Variants in ANK2 observed in about 807,000 individuals in gnomAD.
ANK2 encodes the protein ankyrin-2.
ANK2 carries 83 observed loss-of-function variants against 360.5 expected under a neutral mutation model. That is an observed-to-expected ratio of 0.23 (90% CI 0.19 to 0.28). The LOEUF is 0.28. Ranked by LOEUF, ANK2 falls within the 10% of genes least tolerant of loss-of-function variation. The pLI is 1.00. For missense variants in ANK2, 4,201 were observed against 4,795.7 expected, an observed-to-expected ratio of 0.88 and a Z score of 3.66; for synonymous variants, 1,740 against 1,759.5, an observed-to-expected ratio of 0.99 and a Z score of 0.28.
intron 1 of ANK2, among the ~76,000 whole-genome samples, chr4:113,099,832 A>G (rs2092496575): frequency 6.6e-6 from 1 of 152,072 alleles, no homozygotes; most frequent in African/African-American, 2.4e-5. Flanking sequence ...AAATACAGTG[A>G]ACTGATTTTT....
intron 1 of ANK2, among the ~76,000 whole-genome samples, chr4:112,858,591 G>A (rs923312893): frequency 6.6e-6 from 1 of 152,180 alleles, no homozygotes; most frequent in African/African-American, 2.4e-5. Context: ...GGAGGATTCT[G>A]TTCTTCGCAT....
At chr4:112,770,275 G>A in the ANK2 span, among the ~76,000 whole-genome samples, 2 of 152,238 alleles carry the variant, frequency 1.3e-5, no homozygotes, top group Non-Finnish European at 1.5e-5. Flanking sequence ...CTCCGGAGAT[G>A]TTTAAGCCCT....
At chr4:113,300,016 G>A (rs1189117305) in intron 22 of ANK2, among the ~76,000 whole-genome samples, 1 of 151,484 alleles carries the variant, frequency 6.6e-6, no homozygotes, top group African/African-American at 2.4e-5. Flanking sequence ...TACAGAATAT[G>A]GGCTATAATT....
At chr4:112,866,154 A>C (rs1339194097) in intron 1 of ANK2, among the ~76,000 whole-genome samples, 1 of 152,236 alleles carries the variant, frequency 6.6e-6, no homozygotes, top group Non-Finnish European at 1.5e-5. Context: ...TTTGGAGTAC[A>C]GAATACTCTT....
chr4:113,265,083 T>G (rs1395149834), intron 14 of ANK2, 88 bp downstream of exon 14: 1 of 1,212,620 alleles, frequency 8.2e-7, no homozygotes, highest in African/African-American at 1.5e-5. Flanking sequence ...TTCCTTGATT[T>G]GGAAATACCA....
At position 113,318,618 on chromosome 4, in the gene ANK2, A is replaced by G. The variant is rs779643311; in HGVS notation, c.2898A>G (p.Ser966=). The G allele has an allele frequency of 6.2e-7, 1 of 1,605,928 alleles. No individual in the cohort carries two copies. Among genetic ancestry groups the G allele is most frequent in the South Asian group, 1.1e-5 (1 of 90,282 alleles). The change falls in exon 26 of 46, where the codon TCA becomes TCG. Residue 966 remains serine, a splice_region_variant and synonymous_variant. Transcript: ENST00000357077. ...NVALSSSPIH[S]GFLVSFMVDA... ...CTCTTTCTTCTAGTCCTATTCATTC[A>G]GGGTGAGTAAATCAATATTATGTAT...
chr4:113,040,679 C>T (rs1489247245), intron 2 of ANK2, among the ~76,000 whole-genome samples: 1 of 152,004 alleles, frequency 6.6e-6, no homozygotes, highest in Non-Finnish European at 1.5e-5. Context: ...ATTTATGGCT[C>T]CTTAATTTCA....
At chr4:113,122,213 T>C (rs1186012883) in intron 1 of ANK2, among the ~76,000 whole-genome samples, 1 of 152,176 alleles carries the variant, frequency 6.6e-6, no homozygotes, top group Non-Finnish European at 1.5e-5. Flanking sequence ...TGGTGGTCTG[T>C]GGGTAAAGAC....
At chr4:113,129,608 A>G (rs1483100404) in intron 1 of ANK2, among the ~76,000 whole-genome samples, 4 of 152,188 alleles carry the variant, frequency 2.6e-5, no homozygotes, top group Non-Finnish European at 5.9e-5. Context: ...ACATGCAAGG[A>G]GCTGCTATAT....
intron 1 of ANK2, among the ~76,000 whole-genome samples, chr4:113,151,901 CAAAA>C (rs34604677): frequency 0.29 from 30,985 of 108,128 alleles, 3,439 homozygotes; most frequent in Non-Finnish European, 0.34. Context: ...CCCATCTCTA[CAAAA>C]AAAAAAAAAA....
chr4:113,242,331 G>C, intron 9 of ANK2, 122 bp downstream of exon 9: 1 of 856,664 alleles, frequency 1.2e-6, no homozygotes, highest in South Asian at 1.4e-5. Context: ...TGCTTTATTG[G>C]AATTGATTTA....
At chr4:112,795,270 A>G in the ANK2 span, among the ~76,000 whole-genome samples, 1 of 152,146 alleles carries the variant, frequency 6.6e-6, no homozygotes, top group South Asian at 2.1e-4. Context: ...CAGTTAAACT[A>G]GATTCCTGGG....
In ANK2 at chr4:113,258,372, T is replaced by C. The variant is rs746023525; in HGVS notation, c.1347T>C (p.Leu449=). Residue 449 remains leucine (L), a synonymous_variant, in exon 13 of 46, where the codon CTT becomes CTC. Coordinates refer to ENST00000357077, the MANE Select transcript of ANK2 (RefSeq NM_001148.6). ...AFMGHLNIVL[L]LLQNGASPDV... ...TGGGCCACTTGAACATTGTCCTCCT[T>C]CTGCTGCAGAACGGAGCCTCTCCAG... The C allele has an allele frequency of 6.2e-7, 1 of 1,614,116 alleles. No individual in the cohort carries two copies. Among genetic ancestry groups the C allele is most frequent in the Non-Finnish European group, 8.5e-7 (1 of 1,179,998 alleles).
At chr4:113,350,643 G>A (rs1459009151) in intron 37 of ANK2, 2 of 192,388 alleles carry the variant, frequency 1.0e-5, no homozygotes, top group Non-Finnish European at 2.1e-5. Context: ...AGTGACTTCT[G>A]TAGAGAGCTC....
intron 4 of ANK2, among the ~76,000 whole-genome samples, chr4:113,225,191 T>A (rs372851644): frequency 5.9e-5 from 9 of 152,352 alleles, no homozygotes; most frequent in African/African-American, 1.2e-4. Flanking sequence ...CTGATCTGTG[T>A]GCATGGGCCA....
intron 20 of ANK2, among the ~76,000 whole-genome samples, chr4:113,289,676 T>G (rs867249075): frequency 6.6e-6 from 1 of 152,216 alleles, no homozygotes; most frequent in Non-Finnish European, 1.5e-5. Context: ...ATCATTTCTA[T>G]ACATAAGCAT....
In ANK2 at chr4:113,330,239, T is replaced by C. The variant is rs1263419688; in HGVS notation, c.2901-7T>C. On this transcript the variant is annotated splice_polypyrimidine_tract_variant and splice_region_variant and intron_variant, in intron 26 of 45. Transcript: ENST00000357077. ...AAACATATCTAATCTTCTATTTTAA[T>C]TTTTAGTTTCCTGGTTAGTTTTATG... The C allele has an allele frequency of 8.1e-6, 13 of 1,612,938 alleles. No individual in the cohort carries two copies. Among genetic ancestry groups the C allele is most frequent in the African/African-American group, 1.3e-5 (1 of 74,918 alleles).
intron 1 of ANK2, among the ~76,000 whole-genome samples, chr4:112,877,927 C>T (rs892410649): frequency 3.3e-5 from 5 of 152,060 alleles, no homozygotes; most frequent in African/African-American, 4.8e-5. Flanking sequence ...TTTCTATCTC[C>T]CATCCATAAT....
the ANK2 span, among the ~76,000 whole-genome samples, chr4:112,777,264 A>T: frequency 2.0e-5 from 3 of 152,118 alleles, no homozygotes; most frequent in African/African-American, 7.2e-5. Context: ...TTTGAGACAG[A>T]GTCTTGCTCT....
Sources: gnomAD v4.1 joint callset for allele counts (sites outside exome capture counted in the v4.1 genomes callset) on GRCh38, gnomAD v4.1.1 for gene constraint, MANE v1.5 for transcripts, NCBI Gene and HGNC (gene_info 2026-07-23, HGNC 2026-07-21) for gene names.